ZNF385C: variants seen among roughly 807,000 people sequenced by gnomAD.
ZNF385C encodes the protein CTD-2132N18.2.
ZNF385C carries 28 observed loss-of-function variants against 35.4 expected under a neutral mutation model. That is an observed-to-expected ratio of 0.79 (90% CI 0.59 to 1.08). The LOEUF (loss-of-function observed/expected upper bound fraction) is 1.08, where lower values mean the gene tolerates loss of function less well. Ranked by LOEUF, ZNF385C falls within the 50% of genes least tolerant of loss-of-function variation. ZNF385C has a pLI of 0.00. For missense variants in ZNF385C, 605 were observed against 595.6 expected (o/e 1.02, Z -0.16); for synonymous variants, 248 against 248.2 (o/e 1.00, Z 0.01).
intron 2 of ZNF385C, chr17:42,039,862 C>T (rs1555655906): frequency 8.1e-7 from 1 of 1,231,614 alleles, no homozygotes; most frequent in Non-Finnish European, 1.0e-6. Context: ...CCCCCACCAC[C>T]GCAGCTCCCG....
chr17:42,074,956 C>T (rs1158737328), intron 1 of ZNF385C, among the ~76,000 whole-genome samples: 1 of 152,160 alleles, frequency 6.6e-6, no homozygotes, highest in Non-Finnish European at 1.5e-5. Flanking sequence ...GAGATCACTA[C>T]CTAACAAGAT....
chr17:42,029,172 G>A (rs2052671155), intron 5 of ZNF385C, 99 bp from the exon 6 acceptor site: 1 of 1,346,552 alleles, frequency 7.4e-7, no homozygotes, highest in Non-Finnish European at 9.9e-7. Context: ...CCTGGTGGAT[G>A]ACCAGCACTG....
chr17:42,057,957 A>G (rs2053406328), intron 2 of ZNF385C, among the ~76,000 whole-genome samples: 1 of 151,988 alleles, frequency 6.6e-6, no homozygotes, highest in Non-Finnish European at 1.5e-5. Flanking sequence ...AAAAGAAAAA[A>G]GAATGAAAGG....
At chr17:42,040,006 GGGCCGAGCCGCCCAA>G (rs2052973000) in intron 2 of ZNF385C, 1 of 1,230,906 alleles carries the variant, frequency 8.1e-7, no homozygotes, top group Admixed American at 4.2e-5. Flanking sequence ...CAGGGCCCGC[GGGCCGAGCCGCCCAA>G]GGCCGAATAC....
chr17:42,054,770 G>A (rs1345852125), intron 2 of ZNF385C, among the ~76,000 whole-genome samples: 1 of 151,812 alleles, frequency 6.6e-6, no homozygotes, highest in Non-Finnish European at 1.5e-5. Context: ...TTAGTAGAGA[G>A]GAGGTTTCAC....
At chr17:42,045,183 C>T (rs1298844199) in intron 2 of ZNF385C, among the ~76,000 whole-genome samples, 1 of 152,168 alleles carries the variant, frequency 6.6e-6, no homozygotes, top group African/African-American at 2.4e-5. Context: ...TCCCAAAGTG[C>T]TGGGATTACA....
At chr17:42,029,900 G>A (rs1241433973) in intron 5 of ZNF385C, among the ~76,000 whole-genome samples, 1 of 151,700 alleles carries the variant, frequency 6.6e-6, no homozygotes, top group Non-Finnish European at 1.5e-5. Flanking sequence ...CAGGCATGGT[G>A]GCACATGCCT....
intron 4 of ZNF385C, among the ~76,000 whole-genome samples, chr17:42,032,620 A>T (rs2052756302): frequency 6.6e-6 from 1 of 152,200 alleles, no homozygotes; most frequent in African/African-American, 2.4e-5. Context: ...TTGTTCAACA[A>T]GTCATTACTG....
intron 1 of ZNF385C, among the ~76,000 whole-genome samples, chr17:42,092,494 G>C (rs532638027): frequency 6.6e-6 from 1 of 152,306 alleles, no homozygotes; most frequent in Admixed American, 6.5e-5. Flanking sequence ...AAAATCAGGG[G>C]ATAGGAGGCC....
At chr17:42,039,770 C>A (rs571038586) in intron 2 of ZNF385C, 21 of 1,232,302 alleles carry the variant, frequency 1.7e-5, no homozygotes, top group East Asian at 3.2e-5. Flanking sequence ...ACAGCCAACC[C>A]GAAGTCAAAC....
intron 2 of ZNF385C, among the ~76,000 whole-genome samples, chr17:42,055,150 C>T (rs564620717): frequency 6.6e-6 from 1 of 152,306 alleles, no homozygotes; most frequent in East Asian, 1.9e-4. Context: ...AACCTGTAAT[C>T]TCTGGAGCAG....
At chr17:42,040,837 G>C in intron 2 of ZNF385C, 1 of 1,232,370 alleles carries the variant, frequency 8.1e-7, no homozygotes, top group Non-Finnish European at 1.0e-6. Flanking sequence ...TGTCCGGCCA[G>C]GGAGACAATG....
Position 42,062,397 on chromosome 17 carries a change from T to C in ZNF385C, c.250+410A>G, listed in dbSNP as rs139836814. 7.8e-3 allele frequency: 1,284 copies of C among 164,368 alleles called. 15 individuals are homozygous for C. The highest frequency in any genetic ancestry group is 0.029 in the African/African-American group (1,219 of 42,080). 10.2% of individuals were successfully genotyped at this position (164,368 alleles called of 1,614,324 possible). ...TGGGTTGGAGTGCTGTGTACCTTGCTGACCTTGGCCTTCAGAGACCACAGA... is the reference window on the plus strand; with the variant it reads ...TGGGTTGGAGTGCTGTGTACCTTGCCGACCTTGGCCTTCAGAGACCACAGA... On this transcript the variant is annotated intron_variant, in intron 2 of 8. Transcript: ENST00000692273.
chr17:42,092,442 AGGATG>A (rs1598207742), intron 1 of ZNF385C, among the ~76,000 whole-genome samples: 2 of 152,268 alleles, frequency 1.3e-5, no homozygotes, highest in East Asian at 3.9e-4. Context: ...AGGTGCTCAT[AGGATG>A]GGATGAGGCA....
intron 2 of ZNF385C, among the ~76,000 whole-genome samples, chr17:42,046,863 CT>C (rs782334593): frequency 4.3e-3 from 611 of 140,496 alleles, no homozygotes; most frequent in Non-Finnish European, 4.5e-3. Context: ...ATTTTTTTTC[CT>C]TTTTTTTTTT....
intron 1 of ZNF385C, among the ~76,000 whole-genome samples, chr17:42,094,351 A>G (rs1555660818): frequency 6.6e-6 from 1 of 152,246 alleles, no homozygotes; most frequent in Admixed American, 6.5e-5. Flanking sequence ...GCAGAGAGTC[A>G]GAGGGATACA....
intron 1 of ZNF385C, among the ~76,000 whole-genome samples, chr17:42,087,840 G>A (rs986581257): frequency 8.4e-4 from 128 of 152,132 alleles, no homozygotes; most frequent in African/African-American, 2.9e-3. Flanking sequence ...TTATACCTCC[G>A]TAATCTATAA....
intron 1 of ZNF385C, among the ~76,000 whole-genome samples, chr17:42,077,390 G>A (rs2053696868): frequency 6.6e-6 from 1 of 152,150 alleles, no homozygotes; most frequent in Admixed American, 6.5e-5. Flanking sequence ...CCCGGCTTTA[G>A]AGAGAGGGAC....
At chr17:42,051,906 C>T (rs782139556) in intron 2 of ZNF385C, among the ~76,000 whole-genome samples, 4 of 152,138 alleles carry the variant, frequency 2.6e-5, no homozygotes, top group African/African-American at 9.7e-5. Flanking sequence ...TGGGATGGAG[C>T]GCGAATCACA....
Sources: gnomAD v4.1 joint callset for allele counts (sites outside exome capture counted in the v4.1 genomes callset) on GRCh38, gnomAD v4.1.1 for gene constraint, MANE v1.5 for transcripts, NCBI Gene and HGNC (gene_info 2026-07-23, HGNC 2026-07-21) for gene names.